KDM4C: variants seen among roughly 807,000 people sequenced by gnomAD.
KDM4C encodes lysine-specific demethylase 4C.
A neutral mutation model predicts 129.3 loss-of-function variants in KDM4C; 81 were observed. The observed-to-expected ratio is 0.63, with a 90% CI of 0.52 to 0.75. KDM4C has a LOEUF of 0.75. KDM4C is among the 30% of genes least tolerant of loss of function. The pLI is 0.00. For synonymous variants in KDM4C, 573 were observed against 456.1 expected, an observed-to-expected ratio of 1.26 and a Z score of -3.26; for missense variants, 1,457 against 1,304.0, an observed-to-expected ratio of 1.12 and a Z score of -1.81.
chr9:6,999,135 T>G (rs1339374050), intron 12 of KDM4C, among the ~76,000 whole-genome samples: 1 of 152,246 alleles, frequency 6.6e-6, no homozygotes, highest in African/African-American at 2.4e-5. Context: ...GAATTTAGAA[T>G]TGGCTGTTGC....
chr9:7,161,823 T>A (rs1485342625), intron 19 of KDM4C, among the ~76,000 whole-genome samples: 2 of 152,230 alleles, frequency 1.3e-5, no homozygotes, highest in East Asian at 3.8e-4. Flanking sequence ...CCTTTCAACT[T>A]CTTTTCATCA....
At chr9:7,067,203 A>G (rs1685927398) in intron 17 of KDM4C, among the ~76,000 whole-genome samples, 1 of 152,204 alleles carries the variant, frequency 6.6e-6, no homozygotes, top group Non-Finnish European at 1.5e-5. Context: ...CCTTTGAACT[A>G]TTGACTCTCT....
intron 5 of KDM4C, among the ~76,000 whole-genome samples, chr9:6,868,082 T>C (rs142539283): frequency 6.6e-6 from 1 of 152,176 alleles, no homozygotes; most frequent in African/African-American, 2.4e-5. Context: ...CTGATATGGA[T>C]GAAATGTGTG....
intron 8 of KDM4C, among the ~76,000 whole-genome samples, chr9:6,947,280 A>G (rs1016798436): frequency 6.6e-6 from 1 of 152,176 alleles, no homozygotes; most frequent in Non-Finnish European, 1.5e-5. Flanking sequence ...TTGGTAAAGA[A>G]TGGAAATTTT....
chr9:7,079,655 C>T (rs1405977192), intron 17 of KDM4C, among the ~76,000 whole-genome samples: 1 of 152,198 alleles, frequency 6.6e-6, no homozygotes, highest in Non-Finnish European at 1.5e-5. Flanking sequence ...CCCTTTACCT[C>T]ACTTTTCACC....
chr9:6,968,153 T>G (rs1380784842), intron 8 of KDM4C, among the ~76,000 whole-genome samples: 1 of 152,178 alleles, frequency 6.6e-6, no homozygotes, highest in African/African-American at 2.4e-5. Context: ...AAGATAGGCC[T>G]CCTTCACCTT....
At chr9:7,105,332 G>A (rs1837556673) in intron 18 of KDM4C, 1 of 426,330 alleles carries the variant, frequency 2.3e-6, no homozygotes, top group Non-Finnish European at 4.9e-6. Flanking sequence ...CCCTGTGCAA[G>A]TTCTTATTTC....
intron 18 of KDM4C, among the ~76,000 whole-genome samples, chr9:7,109,728 CT>C (rs1838103659): frequency 1.3e-5 from 2 of 152,124 alleles, no homozygotes; most frequent in Non-Finnish European, 2.9e-5. Flanking sequence ...CCAAAATTTT[CT>C]TCTTGATGTT....
At chr9:6,746,373 A>C (rs914899529) in intron 1 of KDM4C, among the ~76,000 whole-genome samples, 1 of 140,724 alleles carries the variant, frequency 7.1e-6, no homozygotes, top group African/African-American at 2.7e-5. Context: ...GGTTCACGCC[A>C]TTCTCCTGCC....
At chr9:7,084,351 T>C (rs1188310151) in intron 17 of KDM4C, among the ~76,000 whole-genome samples, 1 of 152,216 alleles carries the variant, frequency 6.6e-6, no homozygotes, top group Non-Finnish European at 1.5e-5. Flanking sequence ...AGATTCAACA[T>C]GAGCAAGACA....
chr9:6,752,332 C>CA (rs1159747148), intron 1 of KDM4C, among the ~76,000 whole-genome samples: 1,574 of 19,174 alleles, frequency 0.082, 221 homozygotes, highest in African/African-American at 0.099. Flanking sequence ...AACTCCGTCT[C>CA]AAAAAAAAAA....
chr9:6,865,970 G>A (rs778784556), intron 5 of KDM4C, among the ~76,000 whole-genome samples: 2 of 152,022 alleles, frequency 1.3e-5, no homozygotes, highest in African/African-American at 4.8e-5. Context: ...AGCCAGGATG[G>A]TCTCGATCTC....
At chr9:6,994,102 G>A (rs1374512421) in intron 12 of KDM4C, among the ~76,000 whole-genome samples, 1 of 152,068 alleles carries the variant, frequency 6.6e-6, no homozygotes, top group African/African-American at 2.4e-5. Flanking sequence ...ATTATCATAG[G>A]GAGTGTGCAA....
chr9:6,954,896 G>A (rs1004576798), intron 8 of KDM4C, among the ~76,000 whole-genome samples: 12 of 152,182 alleles, frequency 7.9e-5, no homozygotes, highest in Admixed American at 6.5e-5. Flanking sequence ...ACAGAATATT[G>A]CAAATTGGGA....
At chr9:6,985,809 G>T (rs1007393760) in intron 10 of KDM4C, among the ~76,000 whole-genome samples, 3 of 152,040 alleles carry the variant, frequency 2.0e-5, no homozygotes, top group Admixed American at 6.5e-5. Flanking sequence ...TTTTGCCTCA[G>T]CCTCCTGAGT....
intron 17 of KDM4C, among the ~76,000 whole-genome samples, chr9:7,062,117 G>T (rs1407201422): frequency 6.6e-6 from 1 of 152,056 alleles, no homozygotes; most frequent in Non-Finnish European, 1.5e-5. Context: ...ACAGGTGCCT[G>T]CCACCACACA....
intron 17 of KDM4C, among the ~76,000 whole-genome samples, chr9:7,093,245 G>A (rs772019102): frequency 2.6e-5 from 4 of 152,156 alleles, no homozygotes; most frequent in Admixed American, 1.3e-4. Context: ...GAAAATGAAG[G>A]GTGGAGCATG....
rs1341902423 is a variant in KDM4C, at chr9:6,814,615, C to T, written c.321-16C>T. On this transcript the variant is annotated splice_polypyrimidine_tract_variant and intron_variant, in intron 3 of 21. Coordinates refer to ENST00000381309, the MANE Select transcript of KDM4C (RefSeq NM_015061.6). ...GACTTACTGGTTTGTACATTTTTGT[C>T]ATCTACCTTTTACAGATATTGTACT... The T allele has an allele frequency of 6.7e-7, 1 of 1,486,902 alleles. No individual in the cohort carries two copies. The highest frequency in any genetic ancestry group is 9.3e-7 in the Non-Finnish European group (1 of 1,080,016). The allele number at this position is 1,486,902 out of a possible 1,614,324, so 92.1% of individuals were successfully genotyped here. A position where few individuals can be genotyped will look rare whatever the true frequency, so the allele number is the denominator to read the frequency against.
rs1287654785 is a variant in KDM4C at position 6,760,582 on chromosome 9, ATTTT to A, written c.-18+2382_-18+2385del. On this transcript the variant is annotated intron_variant, in intron 1 of 21. Transcript: ENST00000381309. ...TATTTATTTATTTATTTATTTATTTATTTTTTGAGACGAAGTCTCACTCTGTTGC... is the reference window on the plus strand; with the variant it reads ...TATTTATTTATTTATTTATTTATTTATTGAGACGAAGTCTCACTCTGTTGC... Among the ~76,000 whole-genome samples the A allele has an allele frequency of 9.9e-5, 14 of 142,096 alleles. No individual in the cohort carries two copies. The South Asian group carries it at 2.9e-3, about 29-fold the overall frequency. The allele number at this position is 142,096 out of a possible 152,430, so 93.2% of individuals were successfully genotyped here.
Sources: allele counts gnomAD v4.1 joint callset (sites outside exome capture counted in the v4.1 genomes callset), GRCh38; gene constraint gnomAD v4.1.1; transcripts MANE v1.5; gene names NCBI Gene and HGNC (gene_info 2026-07-23, HGNC 2026-07-21).